AFAP1: variants seen among roughly 807,000 people sequenced by gnomAD.
AFAP1 encodes the protein actin filament-associated protein 1.
A neutral mutation model predicts 93.9 loss-of-function variants in AFAP1; 75 were observed. That is an observed-to-expected ratio of 0.80 (90% CI 0.66 to 0.97). The LOEUF (loss-of-function observed/expected upper bound fraction) is 0.97. Ranked by LOEUF, AFAP1 falls within the 50% of genes least tolerant of loss-of-function variation. The pLI is 0.00. For synonymous variants in AFAP1, 517 were observed against 430.7 expected (o/e 1.20, Z -2.48); for missense variants, 1,201 against 1,050.8 (o/e 1.14, Z -1.98).
intron 6 of AFAP1, among the ~76,000 whole-genome samples, chr4:7,820,551 G>T (rs1720881894): frequency 6.6e-6 from 1 of 152,172 alleles, no homozygotes; most frequent in Non-Finnish European, 1.5e-5. Context: ...CAGAAAACCA[G>T]GAGAGCACAG....
intron 6 of AFAP1, among the ~76,000 whole-genome samples, chr4:7,831,723 A>G (rs535762320): frequency 1.4e-4 from 21 of 152,348 alleles, no homozygotes; most frequent in Admixed American, 9.1e-4. Flanking sequence ...AAGAAAGCTG[A>G]AATTTCAGAG....
At chr4:7,862,213 G>C (rs1205035293) in intron 3 of AFAP1, 4 of 152,230 alleles carry the variant, frequency 2.6e-5, no homozygotes, top group African/African-American at 9.7e-5. Flanking sequence ...TACATCTGTA[G>C]TCCCAGCTAC....
chr4:7,779,786 C>T (rs1324820939), intron 13 of AFAP1, among the ~76,000 whole-genome samples: 1 of 152,144 alleles, frequency 6.6e-6, no homozygotes, highest in Non-Finnish European at 1.5e-5. Flanking sequence ...GATCAGATGA[C>T]GTGCCATACA....
chr4:7,827,434 G>C (rs995391796), intron 6 of AFAP1, among the ~76,000 whole-genome samples: 8 of 151,776 alleles, frequency 5.3e-5, no homozygotes, highest in African/African-American at 1.9e-4. Context: ...AGCTGCAGGT[G>C]GTGGCACACG....
intron 3 of AFAP1, chr4:7,861,851 G>T (rs1715740738): frequency 6.6e-6 from 1 of 152,256 alleles, no homozygotes; most frequent in Admixed American, 6.5e-5. Flanking sequence ...GAAAATGAAT[G>T]ATTTTCTTGT....
chr4:7,772,878 G>A lies in AFAP1; in HGVS notation c.2195C>T (p.Ala732Val), dbSNP rs375573107. Reference protein sequence around the residue: ...EVKESLKKALAGGVTLGLAIE... With the variant: ...EVKESLKKALVGGVTLGLAIE... ...GGCCAGCCCCAGGGTGACTCCGCCC[G>A]CCAGCGCTTTCTTCAGGCTCTCCTT... The change falls in exon 16 of 18, where the codon GCG becomes GTG. Residue 732 changes from alanine to valine, a missense_variant. By Grantham distance (64) the Ala-to-Val change is moderately conservative. Transcript: ENST00000420658. The A allele has an allele frequency of 3.3e-5, 53 of 1,614,040 alleles. No homozygotes were observed. Among genetic ancestry groups the A allele is most frequent in the South Asian group, 1.3e-4 (12 of 91,082 alleles).
chr4:7,884,886 T>A (rs1014284137), intron 1 of AFAP1, among the ~76,000 whole-genome samples: 11 of 152,166 alleles, frequency 7.2e-5, no homozygotes, highest in Non-Finnish European at 1.5e-4. Context: ...CGGACTCCTA[T>A]CCCCTGCCCT....
chr4:7,840,826 A>G (rs934334765), intron 5 of AFAP1, among the ~76,000 whole-genome samples: 5 of 151,126 alleles, frequency 3.3e-5, no homozygotes, highest in African/African-American at 9.9e-5. Flanking sequence ...AGGAATCGGA[A>G]AGGGAATTTT....
At chr4:7,847,805 T>C (rs901770421) in intron 4 of AFAP1, among the ~76,000 whole-genome samples, 7 of 134,100 alleles carry the variant, frequency 5.2e-5, no homozygotes, top group African/African-American at 1.2e-4. Context: ...GGGTGGGGCA[T>C]TGATTAGATA....
At chr4:7,846,736 G>A (rs530127375) in intron 4 of AFAP1, among the ~76,000 whole-genome samples, 51 of 152,208 alleles carry the variant, frequency 3.4e-4, no homozygotes, top group Middle Eastern at 3.4e-3. Flanking sequence ...ATGAAAAGCC[G>A]GGCCTGCTCC....
At chr4:7,867,107 AGAGGG>A (rs1560209619) in intron 3 of AFAP1, among the ~76,000 whole-genome samples, 1 of 39,788 alleles carries the variant, frequency 2.5e-5, no homozygotes, top group Non-Finnish European at 4.8e-5. Flanking sequence ...AGAGGGGAGT[AGAGGG>A]GAGGGGAGGG....
chr4:7,872,730 T>C (rs1435202965), intron 1 of AFAP1, among the ~76,000 whole-genome samples: 1 of 152,076 alleles, frequency 6.6e-6, no homozygotes, highest in Non-Finnish European at 1.5e-5. Context: ...GGATGTGAAC[T>C]CCTCCTTTCA....
chr4:7,821,525 C>A (rs1720972889), intron 6 of AFAP1, among the ~76,000 whole-genome samples: 2 of 152,194 alleles, frequency 1.3e-5, no homozygotes, highest in Admixed American at 6.5e-5. Flanking sequence ...ACCAGGCCCA[C>A]TGTGATCACG....
chr4:7,805,793 G>A (rs537124236), intron 9 of AFAP1, among the ~76,000 whole-genome samples: 152 of 152,212 alleles, frequency 1.0e-3, no homozygotes, highest in Non-Finnish European at 1.6e-3. Flanking sequence ...TGTAGAAGGC[G>A]GAAAAGTGAA....
In AFAP1 at chr4:7,773,086, C is replaced by G. The variant is rs557731984; in HGVS notation, c.2063-76G>C. 62 of 1,504,466 alleles carry G rather than the reference C, an allele frequency of 4.1e-5. No homozygotes were observed. In the African/African-American group the frequency reaches 8.2e-4, roughly 20 times the overall value. The allele number at this position is 1,504,466 out of a possible 1,614,324, so 93.2% of individuals were successfully genotyped here. ...AACAACAGAGAAGGCACCTGGTCCC[C>G]AAGAAGAACTTCCACAAAACGTCTG... is the stretch of plus-strand genomic sequence containing the variant. On this transcript the variant is annotated intron_variant, in intron 15 of 17. Coordinates refer to ENST00000420658, the MANE Select transcript of AFAP1 (RefSeq NM_001134647.2).
intron 5 of AFAP1, among the ~76,000 whole-genome samples, chr4:7,841,149 G>C (rs1298825997): frequency 6.6e-6 from 1 of 152,234 alleles, no homozygotes. Context: ...TTTATGAATG[G>C]GCGTCCTGAA....
chr4:7,872,229 TC>T, intron 1 of AFAP1, 149 bp from the exon 2 acceptor site: 1 of 958,626 alleles, frequency 1.0e-6, no homozygotes, highest in Non-Finnish European at 1.5e-6. Flanking sequence ...TGAAAGCAGG[TC>T]CACTAAAAGA....
At chr4:7,811,129 G>A (rs1000674877) in intron 8 of AFAP1, among the ~76,000 whole-genome samples, 11 of 152,176 alleles carry the variant, frequency 7.2e-5, no homozygotes, top group Non-Finnish European at 1.2e-4. Context: ...CCGGCGAGGC[G>A]CTCGGGACAC....
intron 1 of AFAP1, among the ~76,000 whole-genome samples, chr4:7,894,238 T>A (rs1173001123): frequency 1.3e-5 from 2 of 152,114 alleles, no homozygotes; most frequent in African/African-American, 4.8e-5. Flanking sequence ...CACAGACACG[T>A]CCATTCATTT....
Sources: gnomAD v4.1 joint callset for allele counts (sites outside exome capture counted in the v4.1 genomes callset) on GRCh38, gnomAD v4.1.1 for gene constraint, MANE v1.5 for transcripts, NCBI Gene and HGNC (gene_info 2026-07-23, HGNC 2026-07-21) for gene names.